The following ARHGAP32 variants were observed in gnomAD, a reference collection of about 807,000 sequenced individuals.
ARHGAP32 encodes the protein Rho GTPase activating protein 32, also known as rho GTPase-activating protein 32.
A neutral mutation model predicts 186.5 loss-of-function variants in ARHGAP32; 51 were observed. That is an observed-to-expected ratio of 0.27 (90% CI 0.22 to 0.35). The LOEUF is 0.35. Among genes scored for constraint, ARHGAP32 ranks in the 10% least tolerant of loss-of-function variants. ARHGAP32 has a pLI of 1.00. For synonymous variants in ARHGAP32, 950 were observed against 964.3 expected (o/e 0.99, Z 0.27); for missense variants, 2,186 against 2,623.5 (o/e 0.83, Z 3.64).
chr11:129,234,560 ATCT>A (rs1436478748), intron 1 of ARHGAP32, among the ~76,000 whole-genome samples: 1 of 152,156 alleles, frequency 6.6e-6, no homozygotes, highest in Non-Finnish European at 1.5e-5. Flanking sequence ...TATCAATATA[ATCT>A]ATATATCTGC....
chr11:129,193,655 TACAA>T (rs1944337264), upstream of ARHGAP32, among the ~76,000 whole-genome samples: 1 of 68,100 alleles, frequency 1.5e-5, no homozygotes, highest in African/African-American at 5.9e-5. Context: ...ATAATACATA[TACAA>T]TATATATTAT....
chr11:129,259,701 C>G (rs577770084), intron 1 of ARHGAP32, among the ~76,000 whole-genome samples: 1 of 152,228 alleles, frequency 6.6e-6, no homozygotes, highest in African/African-American at 2.4e-5. Flanking sequence ...CAAGCACCTA[C>G]CAGCCTTGTC....
chr11:129,262,460 C>A (rs767505855), intron 1 of ARHGAP32, among the ~76,000 whole-genome samples: 1 of 151,940 alleles, frequency 6.6e-6, no homozygotes, highest in Non-Finnish European at 1.5e-5. Flanking sequence ...CTTGGCTCAC[C>A]GCAGCCTCCA....
Position 129,064,850 on chromosome 11 carries a change from G to A in ARHGAP32, c.753C>T (p.Thr251=). ...GTGAATTAGGAAATACCTCCATCCA[G>A]GTAAGGGCGGGCCCACAGTTGATCT... ...GNKINCGPAL[T]WMEIDNKGNH... The change falls in exon 8 of 23, where the codon ACC becomes ACT. Residue 251 remains threonine (T), a synonymous_variant. Coordinates refer to ENST00000682385, the MANE Select transcript of ARHGAP32 (RefSeq NM_001378024.1). 6.3e-7 allele frequency: 1 copy of A among 1,591,786 alleles called. No individual in the cohort carries two copies. The highest frequency in any genetic ancestry group is 8.6e-7 in the Non-Finnish European group (1 of 1,168,770).
intron 1 of ARHGAP32, among the ~76,000 whole-genome samples, chr11:129,243,911 G>A (rs188336487): frequency 6.6e-6 from 1 of 152,122 alleles, no homozygotes; most frequent in Non-Finnish European, 1.5e-5. Context: ...ATTGTGATCT[G>A]GAATTAAAAT....
intron 1 of ARHGAP32, among the ~76,000 whole-genome samples, chr11:129,270,585 G>A (rs1004696277): frequency 6.6e-6 from 1 of 151,558 alleles, no homozygotes; most frequent in Non-Finnish European, 1.5e-5. Flanking sequence ...ATGTTTCAAT[G>A]TAGGCTCATC....
At chr11:129,270,883 C>T (rs1945464935) in intron 1 of ARHGAP32, among the ~76,000 whole-genome samples, 1 of 152,024 alleles carries the variant, frequency 6.6e-6, no homozygotes, top group Non-Finnish European at 1.5e-5. Flanking sequence ...GGGAGTTGTC[C>T]TGTGCATTAC....
chr11:128,998,602 ATGTC>A, intron 11 of ARHGAP32, 134 bp from the exon 12 acceptor site: 1 of 568,798 alleles, frequency 1.8e-6, no homozygotes, highest in Non-Finnish European at 2.7e-6. Context: ...CTTTAGGAAA[ATGTC>A]AGTACAAGTT....
rs1331589075 is a variant in ARHGAP32, at chr11:128,967,747, T to C, written c.*1160A>G. 1.3e-5 allele frequency: 2 copies of C among 152,182 alleles called. No homozygotes were observed. Among genetic ancestry groups the C allele is most frequent in the Admixed American group, 6.5e-5 (1 of 15,284 alleles). The allele number at this position is 152,182 out of a possible 1,614,324, so 9.4% of individuals were successfully genotyped here. Reference sequence around the variant, plus strand: ...CAGCAATAACTGCCCAGAACTCCACTGGTGAAACGGGGCTGTGAACTAAGC... The same window carrying C: ...CAGCAATAACTGCCCAGAACTCCACCGGTGAAACGGGGCTGTGAACTAAGC... On this transcript the variant is annotated 3_prime_UTR_variant, in exon 23 of 23. Transcript: ENST00000682385.
chr11:129,026,381 A>C (rs1257705370), intron 11 of ARHGAP32, among the ~76,000 whole-genome samples: 1 of 152,244 alleles, frequency 6.6e-6, no homozygotes, highest in Non-Finnish European at 1.5e-5. Context: ...CATATTTAAC[A>C]AAATGTTTGG....
At chr11:129,273,459 A>T (rs559843021) in intron 1 of ARHGAP32, among the ~76,000 whole-genome samples, 6 of 152,330 alleles carry the variant, frequency 3.9e-5, no homozygotes, top group Admixed American at 3.3e-4. Context: ...GGACCTTTGG[A>T]GACAGAAATT....
chr11:129,268,844 GCTCCATTTCTAAAAGTGACT>G (rs1461792891), intron 1 of ARHGAP32, among the ~76,000 whole-genome samples: 1 of 152,030 alleles, frequency 6.6e-6, no homozygotes, highest in Non-Finnish European at 1.5e-5. Flanking sequence ...TGAAAACCCT[GCTCCATTTCTAAAAGTGACT>G]CTAGCACCTC....
chr11:128,986,456 C>T (rs1395270391), intron 14 of ARHGAP32, 68 bp downstream of exon 14: 1 of 1,545,122 alleles, frequency 6.5e-7, no homozygotes, highest in African/African-American at 1.4e-5. Flanking sequence ...AACCAAAGTT[C>T]ATGTGTTTTG....
intron 1 of ARHGAP32, among the ~76,000 whole-genome samples, chr11:129,197,763 T>C (rs1170916004): frequency 2.6e-5 from 4 of 152,306 alleles, no homozygotes; most frequent in East Asian, 3.9e-4. Context: ...ATACTATCTA[T>C]ACATTCATTC....
At chr11:129,193,871 A>T (rs529694279), upstream of ARHGAP32, among the ~76,000 whole-genome samples, 100 of 148,060 alleles carry the variant, frequency 6.8e-4, no homozygotes, top group African/African-American at 2.4e-3. Context: ...TATTTGAAAC[A>T]TATCACAAAG....
intron 5 of ARHGAP32, among the ~76,000 whole-genome samples, chr11:129,104,137 G>T (rs1463391272): frequency 6.6e-6 from 1 of 151,974 alleles, no homozygotes; most frequent in East Asian, 1.9e-4. Flanking sequence ...AACAAAAACT[G>T]AAGAGTTCCC....
intron 5 of ARHGAP32, among the ~76,000 whole-genome samples, chr11:129,120,778 G>C (rs553074355): frequency 6.6e-6 from 1 of 152,160 alleles, no homozygotes; most frequent in East Asian, 1.9e-4. Context: ...GTAAATCTAA[G>C]AGAAATTTCT....
chr11:129,192,878 C>A (rs1944295955), upstream of ARHGAP32, among the ~76,000 whole-genome samples: 2 of 152,198 alleles, frequency 1.3e-5, no homozygotes, highest in African/African-American at 4.8e-5. Flanking sequence ...TTCAAAGATG[C>A]TGACAATCAC....
chr11:129,191,585 A>G (rs1332403965), intron 1 of ARHGAP32, among the ~76,000 whole-genome samples: 1 of 152,070 alleles, frequency 6.6e-6, no homozygotes, highest in African/African-American at 2.4e-5. Flanking sequence ...GTAAAGATCA[A>G]AGCCACAAAA....
Sources: allele counts gnomAD v4.1 joint callset (sites outside exome capture counted in the v4.1 genomes callset), GRCh38; gene constraint gnomAD v4.1.1; transcripts MANE v1.5; gene names NCBI Gene and HGNC (gene_info 2026-07-23, HGNC 2026-07-21).